The following TUBA8 variants were observed in gnomAD, a reference collection of about 807,000 sequenced individuals.
The protein encoded by TUBA8 is tubulin alpha-8 chain.
A neutral mutation model predicts 34.7 loss-of-function variants in TUBA8; 29 were observed. The ratio of observed to expected loss-of-function variants is 0.84; its 90% confidence interval spans 0.62 to 1.14. The LOEUF (loss-of-function observed/expected upper bound fraction) is 1.14, where lower values mean the gene tolerates loss of function less well. Ranked by LOEUF, TUBA8 falls within the 50% of genes most tolerant of loss-of-function variation. The probability of loss-of-function intolerance (pLI) is 0.00; values close to 1 mark genes in which losing one functional copy is unlikely to be tolerated. For synonymous variants in TUBA8, 226 were observed against 231.2 expected (o/e 0.98, Z 0.21); for missense variants, 541 against 599.2 (o/e 0.90, Z 1.01).
intron 4 of TUBA8, chr22:18,130,592 T>A (rs1602502381): frequency 4.7e-6 from 1 of 211,934 alleles, no homozygotes. Context: ...CCTGGCTAAT[T>A]TTTTTTTTTT....
In TUBA8 at chr22:18,124,895, C is replaced by T. The variant is rs1329920515; in HGVS notation, c.375+591C>T. ...GGTTGTGTCACTTTATTTATTTAAG[C>T]TTCCATTTGCTTATCTGTATAATGG... On this transcript the variant is annotated intron_variant, in intron 3 of 4. Coordinates refer to ENST00000330423, the MANE Select transcript of TUBA8 (RefSeq NM_018943.3). The surrounding 1 kb of genome is among the most constrained non-coding windows in gnomAD (Gnocchi z 4.3). 6.5e-6 allele frequency: 1 copy of T among 152,898 alleles called. No homozygotes were observed. The highest frequency in any genetic ancestry group is 2.4e-5 in the African/African-American group (1 of 41,446). The allele number at this position is 152,898 out of a possible 1,614,324, so 9.5% of individuals were successfully genotyped here.
intron 2 of TUBA8, chr22:18,123,086 G>A: frequency 8.0e-6 from 1 of 124,618 alleles, no homozygotes; most frequent in Non-Finnish European, 1.6e-5. Flanking sequence ...CTCCAGCCTG[G>A]GCGACAGAGC....
In TUBA8 at chr22:18,131,317, G is replaced by A. The variant is rs1050086081; in HGVS notation, c.*181G>A. The A allele has an allele frequency of 3.1e-6, 2 of 637,178 alleles. No homozygotes were observed. The highest frequency in any genetic ancestry group is 2.8e-5 in the East Asian group (1 of 36,162). The allele number at this position is 637,178 out of a possible 1,614,324, so 39.5% of individuals were successfully genotyped here. On this transcript the variant is annotated 3_prime_UTR_variant, in exon 5 of 5. Coordinates refer to ENST00000330423, the MANE Select transcript of TUBA8 (RefSeq NM_018943.3). This position sits in a 1 kb window ranked among gnomAD's most constrained non-coding sequence, Gnocchi z 5.3. ...CTAAGTGGACACTGAGCTTCATCAG[G>A]CCCTCCCTGGGTAGGAGCAGCTTTG...
chr22:18,130,899 G>A lies in TUBA8; in HGVS notation c.1113G>A (p.Val371=). ...TVVPGGDLAK[V]QRAVCMLSNT... ...TCCCCGGGGGAGACCTGGCCAAGGTGCAGCGGGCCGTCTGCATGCTCAGCA... is the reference window on the plus strand; with the variant it reads ...TCCCCGGGGGAGACCTGGCCAAGGTACAGCGGGCCGTCTGCATGCTCAGCA... Residue 371 remains valine (V), a synonymous_variant, in exon 5 of 5, where the codon GTG becomes GTA. Coordinates refer to ENST00000330423, the MANE Select transcript of TUBA8 (RefSeq NM_018943.3). The A allele has an allele frequency of 6.2e-7, 1 of 1,614,154 alleles. No homozygotes were observed. The highest frequency in any genetic ancestry group is 8.5e-7 in the Non-Finnish European group (1 of 1,180,044).
In TUBA8 at chr22:18,131,547, G is replaced by A. The variant is rs1194259988; in HGVS notation, c.*411G>A. Reference sequence around the variant, plus strand: ...GATTCCGGGGCAGGGGTGAGCGGACGTTCACATGAGTGGGTCTATAGCCCG... The same window carrying A: ...GATTCCGGGGCAGGGGTGAGCGGACATTCACATGAGTGGGTCTATAGCCCG... On this transcript the variant is annotated 3_prime_UTR_variant, in exon 5 of 5. Coordinates refer to ENST00000330423, the MANE Select transcript of TUBA8 (RefSeq NM_018943.3). This position sits in a 1 kb window ranked among gnomAD's most constrained non-coding sequence, Gnocchi z 5.3. 15 of 284,520 alleles carry A rather than the reference G, an allele frequency of 5.3e-5. No individual in the cohort carries two copies. The highest frequency in any genetic ancestry group is 6.1e-5 in the Non-Finnish European group (9 of 147,014). 17.6% of individuals were successfully genotyped at this position (284,520 alleles called of 1,614,324 possible).
At chr22:18,116,577 A>G (rs569044522) in intron 1 of TUBA8, 2 of 152,366 alleles carry the variant, frequency 1.3e-5, no homozygotes, top group South Asian at 4.1e-4. Flanking sequence ...TGTAGCCAAT[A>G]CAACATCCCT....
chr22:18,121,298 C>G lies in TUBA8; in HGVS notation c.4-181C>G. 1 of 624,750 alleles carries G rather than the reference C, an allele frequency of 1.6e-6. No individual in the cohort carries two copies. 38.7% of individuals were successfully genotyped at this position (624,750 alleles called of 1,614,324 possible). On this transcript the variant is annotated intron_variant, in intron 1 of 4. Transcript: ENST00000330423. The surrounding 1 kb of genome is among the most constrained non-coding windows in gnomAD (Gnocchi z 4.8). The stretch of plus-strand genomic sequence containing the variant: ...AGAGCAAAGCACAAAACAGCTGTGT[C>G]TTCTTTGGATCTAAGTCCTGGTCCA...
In TUBA8 at chr22:18,121,885, G is replaced by GT. The variant is rs957345097; in HGVS notation, c.226+185dup. On this transcript the variant is annotated intron_variant, in intron 2 of 4. Coordinates refer to ENST00000330423, the MANE Select transcript of TUBA8 (RefSeq NM_018943.3). The surrounding 1 kb of genome is among the most constrained non-coding windows in gnomAD (Gnocchi z 4.8). Reference sequence around the variant, plus strand: ...CACAGTCTCGGGGAATCTCATGACAGTGATCAAGACTCTATGCAGAACAAA... The same window carrying GT: ...CACAGTCTCGGGGAATCTCATGACAGTTGATCAAGACTCTATGCAGAACAAA... The GT allele has an allele frequency of 4.7e-5, 29 of 622,766 alleles. No individual in the cohort carries two copies. The African/African-American group carries it at 5.1e-4, about 11-fold the overall frequency. The allele number at this position is 622,766 out of a possible 1,614,324, so 38.6% of individuals were successfully genotyped here. A position where few individuals can be genotyped will look rare whatever the true frequency, so the allele number is the denominator to read the frequency against.
chr22:18,124,175 C>A lies in TUBA8; in HGVS notation c.246C>A (p.Thr82=), dbSNP rs1475435282. Residue 82 remains threonine, a synonymous_variant, in exon 3 of 5, where the codon ACC becomes ACA. Coordinates refer to ENST00000330423, the MANE Select transcript of TUBA8 (RefSeq NM_018943.3). This position sits in a 1 kb window ranked among gnomAD's most constrained non-coding sequence, Gnocchi z 4.3. Reference sequence around the variant, plus strand: ...TGGAAGATGAGGTTCGGGCAGGAACCTACCGCCAGCTCTTCCATCCAGAGC... The same window carrying A: ...TGGAAGATGAGGTTCGGGCAGGAACATACCGCCAGCTCTTCCATCCAGAGC... ...PTVVDEVRAG[T]YRQLFHPEQL... 1.2e-6 allele frequency: 2 copies of A among 1,614,178 alleles called. No individual in the cohort carries two copies. Among genetic ancestry groups the A allele is most frequent in the Non-Finnish European group, 1.7e-6 (2 of 1,180,026 alleles).
Position 18,126,496 on chromosome 22 carries a change from C to T in TUBA8, c.518C>T (p.Pro173Leu). The T allele has an allele frequency of 6.2e-7, 1 of 1,614,138 alleles. No homozygotes were observed. Among genetic ancestry groups the T allele is most frequent in the East Asian group, 2.2e-5 (1 of 44,884 alleles). ...KKSKLEFAIY[P>L]APQVSTAVVE... Reference sequence around the variant, plus strand: ...TCCAAGCTGGAGTTTGCCATCTACCCAGCCCCCCAGGTCTCTACTGCAGTG... The same window carrying T: ...TCCAAGCTGGAGTTTGCCATCTACCTAGCCCCCCAGGTCTCTACTGCAGTG... The change falls in exon 4 of 5, where the codon CCA becomes CTA. Residue 173 changes from proline to leucine, a missense_variant. Coordinates refer to ENST00000330423, the MANE Select transcript of TUBA8 (RefSeq NM_018943.3). The surrounding 1 kb of genome is among the most constrained non-coding windows in gnomAD (Gnocchi z 4.0).
intron 1 of TUBA8, chr22:18,113,334 C>G (rs757550484): frequency 2.0e-5 from 3 of 152,304 alleles, no homozygotes; most frequent in Admixed American, 6.5e-5. Flanking sequence ...GCTACTCCCA[C>G]AGCAGACCAT....
Position 18,126,148 on chromosome 22 carries a change from G to C in TUBA8, c.376-206G>C, listed in dbSNP as rs1928308444. The C allele has an allele frequency of 1.2e-5, 7 of 595,540 alleles. No homozygotes were observed. Among genetic ancestry groups the C allele is most frequent in the Non-Finnish European group, 1.8e-5 (6 of 337,216 alleles). 36.9% of individuals were successfully genotyped at this position (595,540 alleles called of 1,614,324 possible). A position where few individuals can be genotyped will look rare whatever the true frequency, so the allele number is the denominator to read the frequency against. On this transcript the variant is annotated intron_variant, in intron 3 of 4. Transcript: ENST00000330423. This position sits in a 1 kb window ranked among gnomAD's most constrained non-coding sequence, Gnocchi z 4.0. ...AAACTGCTGGGATTACAGGCATTGA[G>C]TCACTGTGCCTGGCCCCATCCCATA...
chr22:18,131,058 CT>C lies in TUBA8; in HGVS notation c.1274del (p.Leu425Ter). 1 of 1,614,180 alleles carries C rather than the reference CT, an allele frequency of 6.2e-7. No homozygotes were observed. The highest frequency in any genetic ancestry group is 8.5e-7 in the Non-Finnish European group (1 of 1,180,022). Reference protein sequence around the residue: ...EGEFSEAREDLAALEKDYEEV... With the variant: ...EGEFSEAREDXAALEKDYEEV... Reference sequence around the variant, plus strand: ...GAGAATTTTCTGAGGCCAGGGAAGACTTAGCTGCCCTGGAGAAGGATTATGA... The same window carrying C: ...GAGAATTTTCTGAGGCCAGGGAAGACTAGCTGCCCTGGAGAAGGATTATGA... On this transcript the variant is annotated frameshift_variant, in exon 5 of 5. Coordinates refer to ENST00000330423, the MANE Select transcript of TUBA8 (RefSeq NM_018943.3). LOFTEE classifies it high-confidence loss of function. The surrounding 1 kb of genome is among the most constrained non-coding windows in gnomAD (Gnocchi z 5.3).
In TUBA8 at chr22:18,130,855, TACCAGCCCCCG is replaced by T; in HGVS notation, c.1073_1083del (p.Gln358ArgfsTer59). 1.2e-6 allele frequency: 2 copies of T among 1,613,770 alleles called. No homozygotes were observed. Among genetic ancestry groups the T allele is most frequent in the South Asian group, 2.2e-5 (2 of 91,066 alleles). On this transcript the variant is annotated frameshift_variant, in exon 5 of 5. Transcript: ENST00000330423. LOFTEE classifies it high-confidence loss of function. Reference sequence around the variant, plus strand: ...CTGTGTCCCTCAGGTGGGCATCAACTACCAGCCCCCGACCGTGGTCCCCGGGGGAGACCTGG... The same window carrying T: ...CTGTGTCCCTCAGGTGGGCATCAACTACCGTGGTCCCCGGGGGAGACCTGG...
chr22:18,131,353 G>A lies in TUBA8; in HGVS notation c.*217G>A, dbSNP rs796806462. ...GTAGGAGCAGCTTTGTGTCACTAAA[G>A]AAAGTGAGGGCCACTGTCTCCGGCG... is the stretch of plus-strand genomic sequence containing the variant. On this transcript the variant is annotated 3_prime_UTR_variant, in exon 5 of 5. Transcript: ENST00000330423. The surrounding 1 kb of genome is among the most constrained non-coding windows in gnomAD (Gnocchi z 5.3). 2.9e-4 allele frequency: 166 copies of A among 575,830 alleles called. No individual in the cohort carries two copies. The African/African-American group carries it at 3.0e-3, about 10-fold the overall frequency. 35.7% of individuals were successfully genotyped at this position (575,830 alleles called of 1,614,324 possible).
At chr22:18,113,401 C>A (rs930777641) in intron 1 of TUBA8, 2 of 152,216 alleles carry the variant, frequency 1.3e-5, no homozygotes, top group Admixed American at 1.3e-4. Flanking sequence ...GACTATGACA[C>A]CTTTTTTGGG....
rs1928336046 is a variant in TUBA8 at position 18,126,713 on chromosome 22, C to CG, written c.739dup (p.Ala247GlyfsTer8). ...CAATCACTGCTTCTCTCCGCTTTGA[C>CG]GGGGCCCTCAATGTGGACCTCACTG... On this transcript the variant is annotated frameshift_variant, in exon 4 of 5. Transcript: ENST00000330423. LOFTEE classifies it high-confidence loss of function. The surrounding 1 kb of genome is among the most constrained non-coding windows in gnomAD (Gnocchi z 4.0). 6.2e-7 allele frequency: 1 copy of CG among 1,614,164 alleles called. No individual in the cohort carries two copies. The highest frequency in any genetic ancestry group is 2.2e-5 in the East Asian group (1 of 44,882).
At chr22:18,127,663 G>A (rs1484912185) in intron 4 of TUBA8, 2 of 144,572 alleles carry the variant, frequency 1.4e-5, no homozygotes, top group African/African-American at 5.2e-5. Flanking sequence ...AAAGTGCTGG[G>A]ATTACAGGCG....
chr22:18,121,898 T>G lies in TUBA8; in HGVS notation c.226+197T>G. The G allele has an allele frequency of 1.7e-6, 1 of 593,526 alleles. No individual in the cohort carries two copies. The highest frequency in any genetic ancestry group is 3.0e-6 in the Non-Finnish European group (1 of 335,878). 36.8% of individuals were successfully genotyped at this position (593,526 alleles called of 1,614,324 possible). A position where few individuals can be genotyped will look rare whatever the true frequency, so the allele number is the denominator to read the frequency against. On this transcript the variant is annotated intron_variant, in intron 2 of 4. Coordinates refer to ENST00000330423, the MANE Select transcript of TUBA8 (RefSeq NM_018943.3). This position sits in a 1 kb window ranked among gnomAD's most constrained non-coding sequence, Gnocchi z 4.8. Reference sequence around the variant, plus strand: ...AATCTCATGACAGTGATCAAGACTCTATGCAGAACAAAATGCCTCCCACTT... The same window carrying G: ...AATCTCATGACAGTGATCAAGACTCGATGCAGAACAAAATGCCTCCCACTT...
Sources: gnomAD v4.1 joint callset for allele counts on GRCh38, gnomAD v4.1.1 for gene constraint, Gnocchi (gnomAD v3.1) non-coding constraint, MANE v1.5 for transcripts, NCBI Gene and HGNC (gene_info 2026-07-23, HGNC 2026-07-21) for gene names.